The following LAMB4 variants were observed in gnomAD, a reference collection of about 807,000 sequenced individuals.
The protein encoded by LAMB4 is laminin subunit beta 4.
LAMB4 carries 196 observed loss-of-function variants against 199.2 expected under a neutral mutation model. The ratio of observed to expected loss-of-function variants is 0.98; its 90% CI spans 0.88 to 1.11. The LOEUF (loss-of-function observed/expected upper bound fraction) is 1.11, where lower values mean the gene tolerates loss of function less well. Ranked by LOEUF, LAMB4 falls within the 50% of genes least tolerant of loss-of-function variation. The pLI, the probability that LAMB4 is intolerant of heterozygous loss-of-function variation, is 0.00. For missense variants in LAMB4, 2,080 were observed against 2,171.2 expected (o/e 0.96, Z 0.83); for synonymous variants, 744 against 770.6 (o/e 0.97, Z 0.57).
At position 108,030,823 on chromosome 7, in the gene LAMB4, C is replaced by G. The variant is rs750369501; in HGVS notation, c.4975G>C (p.Ala1659Pro). The change falls in exon 32 of 34, where the codon GCT becomes CCT. Residue 1659 changes from alanine to proline, a missense_variant. Physicochemically the swap from Ala to Pro is conservative, Grantham distance 27. Coordinates refer to ENST00000388781, the MANE Select transcript of LAMB4 (RefSeq NM_007356.3). ...KVQAESAQHQ[A>P]GSLEKEFVEL... ...CTAATGACCTTCTCAAGACTCCCAGCCTGGTGTTGGGCAGATTCAGCCTGA... is the reference window on the plus strand; with the variant it reads ...CTAATGACCTTCTCAAGACTCCCAGGCTGGTGTTGGGCAGATTCAGCCTGA... The G allele has an allele frequency of 5.6e-6, 9 of 1,613,948 alleles. No individual in the cohort carries two copies. The highest frequency in any genetic ancestry group is 7.6e-6 in the Non-Finnish European group (9 of 1,179,996).
In LAMB4 at chr7:108,044,141, C is replaced by T. The variant is rs114623839; in HGVS notation, c.4327-245G>A. ...TAGAACATTACTGACTTAGCACTAA[C>T]GAATTTTTCTAATATAAGTCTAAAA... is the stretch of plus-strand genomic sequence containing the variant. On this transcript the variant is annotated intron_variant, in intron 28 of 33. Coordinates refer to ENST00000388781, the MANE Select transcript of LAMB4 (RefSeq NM_007356.3). The T allele has an allele frequency of 2.9e-3, 935 of 322,430 alleles. 2 individuals carry two copies. The highest frequency in any genetic ancestry group is 0.018 in the African/African-American group (841 of 46,216). 20.0% of individuals were successfully genotyped at this position (322,430 alleles called of 1,614,324 possible). A position where few individuals can be genotyped will look rare whatever the true frequency, so the allele number is the denominator to read the frequency against.
intron 31 of LAMB4, among the ~76,000 whole-genome samples, chr7:108,032,942 A>AT (rs2035091850): frequency 1.3e-5 from 2 of 152,104 alleles, no homozygotes; most frequent in South Asian, 4.1e-4. Context: ...CTTTCCTGTC[A>AT]TTTTTGGCCT....
chr7:108,060,918 TAGA>T (rs2036138211), intron 23 of LAMB4, among the ~76,000 whole-genome samples: 2 of 152,270 alleles, frequency 1.3e-5, no homozygotes, highest in Admixed American at 6.5e-5. Context: ...TAGAGCACAG[TAGA>T]AGAAGGAGGA....
intron 33 of LAMB4, among the ~76,000 whole-genome samples, chr7:108,027,388 T>G (rs1418913782): frequency 6.6e-6 from 1 of 152,222 alleles, no homozygotes; most frequent in Non-Finnish European, 1.5e-5. Context: ...AGCAGTGGTT[T>G]CTTCTTCACT....
chr7:108,053,569 G>C (rs1283326890), intron 25 of LAMB4, among the ~76,000 whole-genome samples: 1 of 152,208 alleles, frequency 6.6e-6, no homozygotes, highest in African/African-American at 2.4e-5. Flanking sequence ...TGTTTGTGTG[G>C]CTGTTAAAGA....
Position 108,023,959 on chromosome 7 carries a change from T to C in LAMB4, c.*80A>G. ...GAAGGTAGAAGACATTGTCAGTATTTCACAGGTTCAACAGAGCCCCAGGGG... is the reference window on the plus strand; with the variant it reads ...GAAGGTAGAAGACATTGTCAGTATTCCACAGGTTCAACAGAGCCCCAGGGG... On this transcript the variant is annotated 3_prime_UTR_variant, in exon 34 of 34. Coordinates refer to ENST00000388781, the MANE Select transcript of LAMB4 (RefSeq NM_007356.3). 2 of 1,208,588 alleles carry C rather than the reference T, an allele frequency of 1.7e-6. No individual in the cohort carries two copies. Among genetic ancestry groups the C allele is most frequent in the Non-Finnish European group, 2.3e-6 (2 of 877,610 alleles). The allele number at this position is 1,208,588 out of a possible 1,614,324, so 74.9% of individuals were successfully genotyped here. A position where few individuals can be genotyped will look rare whatever the true frequency, so the allele number is the denominator to read the frequency against.
chr7:108,109,210 C>T lies in LAMB4; in HGVS notation c.363G>A (p.Glu121=), dbSNP rs767872303. The T allele has an allele frequency of 2.7e-5, 44 of 1,613,518 alleles. No homozygotes were observed. The highest frequency in any genetic ancestry group is 2.5e-4 in the South Asian group (23 of 91,070). The change falls in exon 5 of 34, where the codon GAG becomes GAA. Residue 121 remains glutamate (E), a synonymous_variant. Coordinates refer to ENST00000388781, the MANE Select transcript of LAMB4 (RefSeq NM_007356.3). ...LDHVSIRLDL[E]ALFRFSHLIL... is the part of the protein sequence containing the mutation. ...TAAGGTGGCTGAACCGAAATAATGC[C>T]TCTAAGTCCAGTCTGATGCTGACAT...
At chr7:108,100,301 G>A (rs2037771897) in intron 10 of LAMB4, among the ~76,000 whole-genome samples, 1 of 152,084 alleles carries the variant, frequency 6.6e-6, no homozygotes, top group South Asian at 2.1e-4. Context: ...CTTAATTGTA[G>A]AAAACTTAAA....
At chr7:108,127,494 A>G (rs2038835412) in intron 1 of LAMB4, among the ~76,000 whole-genome samples, 1 of 152,164 alleles carries the variant, frequency 6.6e-6, no homozygotes, top group Admixed American at 6.5e-5. Flanking sequence ...AAGATAACCA[A>G]TTCATCCTAG....
the LAMB4 span, among the ~76,000 whole-genome samples, chr7:108,015,929 G>A: frequency 6.6e-6 from 1 of 151,954 alleles, no homozygotes; most frequent in East Asian, 1.9e-4. Flanking sequence ...GGTTCGCTTT[G>A]TCTTTTGTTT....
chr7:108,066,019 C>G, intron 20 of LAMB4, 100 bp from the exon 21 acceptor site: 2 of 1,179,690 alleles, frequency 1.7e-6, no homozygotes, highest in East Asian at 2.4e-5. Flanking sequence ...CCTCTGAAAA[C>G]TGAATATTTT....
At chr7:108,127,157 C>T (rs1259483050) in intron 1 of LAMB4, among the ~76,000 whole-genome samples, 1 of 149,866 alleles carries the variant, frequency 6.7e-6, no homozygotes, top group Non-Finnish European at 1.5e-5. Context: ...AACTTTACTG[C>T]ACATTAAAAT....
At position 108,119,461 on chromosome 7, in the gene LAMB4, T is replaced by C. The variant is rs187248523; in HGVS notation, c.35-3300A>G. 1.1e-4 allele frequency among the ~76,000 whole-genome samples: 17 copies of C among 152,304 alleles called. No individual in the cohort carries two copies. The East Asian group carries it at 3.3e-3, about 29-fold the overall frequency. ...CCTAGCAAAAAAAAGTAGTGAACCA[T>C]TGATACAAGCAACAACTTGGATGGA... is the stretch of plus-strand genomic sequence containing the variant. On this transcript the variant is annotated intron_variant, in intron 2 of 33. Coordinates refer to ENST00000388781, the MANE Select transcript of LAMB4 (RefSeq NM_007356.3).
chr7:108,071,223 CTTAAAAAAATCAT>C (rs1198857459), intron 17 of LAMB4, among the ~76,000 whole-genome samples: 2 of 152,236 alleles, frequency 1.3e-5, no homozygotes, highest in East Asian at 3.9e-4. Flanking sequence ...AGGCAAATTT[CTTAAAAAAATCAT>C]TTCCTTGTCA....
chr7:108,100,520 T>A (rs1336295183), intron 10 of LAMB4, among the ~76,000 whole-genome samples: 1 of 152,210 alleles, frequency 6.6e-6, no homozygotes, highest in African/African-American at 2.4e-5. Context: ...CTACCTTTTA[T>A]GGAAAAATTC....
chr7:108,110,594 T>C (rs1485120876), intron 4 of LAMB4, among the ~76,000 whole-genome samples: 1 of 152,196 alleles, frequency 6.6e-6, no homozygotes, highest in Non-Finnish European at 1.5e-5. Context: ...TAACCCTTTC[T>C]AGGAAAGAGA....
chr7:108,103,787 T>C (rs2037901110), intron 9 of LAMB4, among the ~76,000 whole-genome samples: 1 of 152,156 alleles, frequency 6.6e-6, no homozygotes, highest in East Asian at 1.9e-4. Context: ...GTCTACACTG[T>C]TTGTCTTTTT....
intron 29 of LAMB4, among the ~76,000 whole-genome samples, chr7:108,040,476 A>ATTTT (rs2150504678): frequency 6.6e-6 from 1 of 152,364 alleles, no homozygotes; most frequent in African/African-American, 2.4e-5. Context: ...AAATGAACAC[A>ATTTT]GCTAGAGACA....
chr7:108,107,695 T>G lies in LAMB4; in HGVS notation c.527A>C (p.Gln176Pro). ...GTCACAAACAATGTCTCCCACTCCC[T>G]GGGCCTGGCCAGATGTGATGTTAGG... ...SFPNITSGQA[Q>P]GVGDIVCDSK... Residue 176 changes from glutamine (Q) to proline (P), a missense_variant, in exon 6 of 34, where the codon CAG becomes CCG. Gln to Pro is a moderately conservative substitution (Grantham distance 76, BLOSUM62 -1). Coordinates refer to ENST00000388781, the MANE Select transcript of LAMB4 (RefSeq NM_007356.3). 1.2e-6 allele frequency: 2 copies of G among 1,613,740 alleles called. No homozygotes were observed. The highest frequency in any genetic ancestry group is 1.7e-6 in the Non-Finnish European group (2 of 1,179,896).
Sources: gnomAD v4.1 joint callset for allele counts (sites outside exome capture counted in the v4.1 genomes callset) on GRCh38, gnomAD v4.1.1 for gene constraint, MANE v1.5 for transcripts, NCBI Gene and HGNC (gene_info 2026-07-23, HGNC 2026-07-21) for gene names.